Variants in WDHD1 observed in about 807,000 individuals in gnomAD.
WDHD1 encodes the protein WD repeat and HMG-box DNA binding protein 1, also known as WD repeat and HMG-box DNA-binding protein 1.
Under a neutral mutation model 135.4 loss-of-function variants are expected in WDHD1, and 111 were observed. That is an observed-to-expected ratio of 0.82 (90% CI 0.70 to 0.96). WDHD1 has a LOEUF of 0.96. WDHD1 is among the 40% of genes least tolerant of loss of function. The pLI is 0.00. For missense variants in WDHD1, 1,351 were observed against 1,336.3 expected, an observed-to-expected ratio of 1.01 and a Z score of -0.17; for synonymous variants, 434 against 439.0, an observed-to-expected ratio of 0.99 and a Z score of 0.14.
chr14:54,999,329 T>G (rs1399686551), intron 10 of WDHD1, among the ~76,000 whole-genome samples: 1 of 152,230 alleles, frequency 6.6e-6, no homozygotes, highest in African/African-American at 2.4e-5. Flanking sequence ...TCCAACATTC[T>G]GCCAGAATGC....
chr14:54,957,357 C>T (rs894244028), intron 22 of WDHD1, among the ~76,000 whole-genome samples, 153 bp from the exon 23 acceptor site: 4 of 152,114 alleles, frequency 2.6e-5, no homozygotes, highest in African/African-American at 7.2e-5. Flanking sequence ...AAGAATGATA[C>T]GTATATTCCC....
intron 7 of WDHD1, chr14:55,005,136 A>G: frequency 7.5e-6 from 4 of 535,410 alleles, no homozygotes; most frequent in Non-Finnish European, 1.5e-5. Context: ...ATGGTGCCAC[A>G]CATGCGAACT....
chr14:54,991,166 A>C, intron 12 of WDHD1, 47 bp downstream of exon 12: 2 of 1,057,314 alleles, frequency 1.9e-6, no homozygotes, highest in South Asian at 3.2e-5. Flanking sequence ...AGTAAGAAAA[A>C]AGTGCTGAAA....
chr14:55,002,121 A>G lies in WDHD1; in HGVS notation c.665T>C (p.Phe222Ser). ...LYRRESWSHQ[F>S]DLSDNFISQT... ...AGAGATGAAATTATCTGAAAGATCA[A>G]ATTGATGACTCCAAGATTCTCTTCT... The change falls in exon 8 of 26, where the codon TTT becomes TCT. Residue 222 changes from phenylalanine (F) to serine (S), a missense_variant. Around this residue, in one of 2 missense-constraint regions of WDHD1, gnomAD observed 1,330 missense variants for 1,296.1 expected, o/e 1.03. Coordinates refer to ENST00000360586, the MANE Select transcript of WDHD1 (RefSeq NM_007086.4). 3 of 1,607,702 alleles carry G rather than the reference A, an allele frequency of 1.9e-6. No homozygotes were observed. The Admixed American group carries it at 5.2e-5, about 28-fold the overall frequency.
chr14:55,021,017 A>C (rs2042337452), intron 2 of WDHD1, among the ~76,000 whole-genome samples: 1 of 152,196 alleles, frequency 6.6e-6, no homozygotes, highest in Non-Finnish European at 1.5e-5. Context: ...AGTTGGTCTT[A>C]CTGTCTCAGA....
At position 54,995,820 on chromosome 14, in the gene WDHD1, C is replaced by A. The variant is rs749093915; in HGVS notation, c.943-7G>T. On this transcript the variant is annotated splice_polypyrimidine_tract_variant and splice_region_variant and intron_variant, in intron 10 of 25. Coordinates refer to ENST00000360586, the MANE Select transcript of WDHD1 (RefSeq NM_007086.4). ...TTTCCACTCTGCTAGATACCTTGAACAAATTAATACAAATTATAAAGTAAA... is the reference window on the plus strand; with the variant it reads ...TTTCCACTCTGCTAGATACCTTGAAAAAATTAATACAAATTATAAAGTAAA... 7 of 1,502,790 alleles carry A rather than the reference C, an allele frequency of 4.7e-6. No individual in the cohort carries two copies. Among genetic ancestry groups the A allele is most frequent in the Non-Finnish European group, 6.2e-6 (7 of 1,121,890 alleles). The allele number at this position is 1,502,790 out of a possible 1,614,324, so 93.1% of individuals were successfully genotyped here. A position where few individuals can be genotyped will look rare whatever the true frequency, so the allele number is the denominator to read the frequency against.
chr14:54,981,597 T>C lies in WDHD1; in HGVS notation c.2006A>G (p.Lys669Arg), dbSNP rs759747928. Residue 669 changes from lysine (K) to arginine (R), a missense_variant, in exon 16 of 26, where the codon AAA becomes AGA. Coordinates refer to ENST00000360586, the MANE Select transcript of WDHD1 (RefSeq NM_007086.4). ...TPICNTREHCKGKSDHYWVVG... is the reference protein window; with the variant it reads ...TPICNTREHCRGKSDHYWVVG... ...CACCCAGTAGTGATCAGATTTTCCT[T>C]TGCAGTGCTCTCTTGTATTACATAT... 40 of 1,613,622 alleles carry C rather than the reference T, an allele frequency of 2.5e-5. No homozygotes were observed. The highest frequency in any genetic ancestry group is 3.3e-5 in the Non-Finnish European group (39 of 1,179,890).
At chr14:54,990,067 T>A (rs923314898) in intron 12 of WDHD1, among the ~76,000 whole-genome samples, 1 of 151,898 alleles carries the variant, frequency 6.6e-6, no homozygotes, top group African/African-American at 2.4e-5. Context: ...GTGCCAATAT[T>A]TTATTTAACA....
chr14:55,009,729 C>T (rs1024818926), intron 4 of WDHD1, among the ~76,000 whole-genome samples: 2 of 150,602 alleles, frequency 1.3e-5, no homozygotes, highest in Non-Finnish European at 3.0e-5. Context: ...ACGACGCCAG[C>T]CCTAAAATAA....
intron 16 of WDHD1, among the ~76,000 whole-genome samples, chr14:54,980,194 T>C (rs992778739): frequency 1.3e-5 from 2 of 151,836 alleles, no homozygotes; most frequent in African/African-American, 4.8e-5. Flanking sequence ...TGCGTGCCTG[T>C]AGTCCCAGCT....
chr14:55,014,707 T>G (rs963841936), intron 2 of WDHD1, among the ~76,000 whole-genome samples: 21 of 151,920 alleles, frequency 1.4e-4, no homozygotes, highest in Non-Finnish European at 2.6e-4. Flanking sequence ...ATAATGTACA[T>G]AATAAAATAC....
chr14:55,015,578 GACA>G lies in WDHD1; in HGVS notation c.78-1985_78-1983del, dbSNP rs546166872. On this transcript the variant is annotated intron_variant, in intron 2 of 25. Coordinates refer to ENST00000360586, the MANE Select transcript of WDHD1 (RefSeq NM_007086.4). ...AATGTGACTAACAAATCCTTTCGGG[GACA>G]ACATGTGAGGCATTCAATAAAAAAC... Among the ~76,000 whole-genome samples, 28 of 152,148 alleles carry G rather than the reference GACA, an allele frequency of 1.8e-4. No homozygotes were observed. The South Asian group carries it at 2.5e-3, about 14-fold the overall frequency.
At chr14:54,944,613 TTAC>T (rs569284976) in intron 24 of WDHD1, 143 bp from the exon 25 acceptor site, 1 of 698,136 alleles carries the variant, frequency 1.4e-6, no homozygotes. Context: ...TTAATTCATG[TTAC>T]TTTTTTTTTT....
In WDHD1 at chr14:54,966,475, C is replaced by T. The variant is rs760006892; in HGVS notation, c.2310G>A (p.Ala770=). The stretch of plus-strand genomic sequence containing the variant: ...TTTTCAGTATATTTATTTTACTCAC[C>T]GCAAGCATTTTCATTAAAAGTTCCT... ...EQQELLMKML[A]LSCKLEREFR... is the part of the protein sequence containing the mutation. The change falls in exon 18 of 26, where the codon GCG becomes GCA. Residue 770 remains alanine (A), a splice_region_variant and synonymous_variant. Coordinates refer to ENST00000360586, the MANE Select transcript of WDHD1 (RefSeq NM_007086.4). 6.3e-5 allele frequency: 101 copies of T among 1,596,208 alleles called. 2 individuals are homozygous for T. Among genetic ancestry groups the T allele is most frequent in the South Asian group, 5.4e-4 (47 of 87,826 alleles).
At chr14:55,017,795 A>G (rs1201651753) in intron 2 of WDHD1, among the ~76,000 whole-genome samples, 1 of 152,108 alleles carries the variant, frequency 6.6e-6, no homozygotes, top group Non-Finnish European at 1.5e-5. Flanking sequence ...GATTTTATTT[A>G]TATCTAGAAT....
At chr14:54,960,105 T>A (rs2041226980) in intron 21 of WDHD1, among the ~76,000 whole-genome samples, 1 of 152,222 alleles carries the variant, frequency 6.6e-6, no homozygotes, top group Admixed American at 6.5e-5. Context: ...CTTTCTAACA[T>A]CACCATCACC....
intron 11 of WDHD1, 52 bp from the exon 12 acceptor site, chr14:54,991,452 A>G (rs1391284439): frequency 1.9e-6 from 3 of 1,541,846 alleles, no homozygotes; most frequent in Admixed American, 1.8e-5. Flanking sequence ...AATGATTTGG[A>G]AAAAGGAAAG....
chr14:55,023,143 T>C (rs1217839556), intron 2 of WDHD1, among the ~76,000 whole-genome samples: 1 of 152,174 alleles, frequency 6.6e-6, no homozygotes, highest in Non-Finnish European at 1.5e-5. Flanking sequence ...CAAATCTCTT[T>C]CTGATATTAT....
intron 11 of WDHD1, among the ~76,000 whole-genome samples, chr14:54,993,521 G>C (rs1027009783): frequency 1.3e-5 from 2 of 151,994 alleles, no homozygotes. Context: ...TCTGAGTCTT[G>C]GTGCAACATC....
Sources: gnomAD v4.1 joint callset for allele counts (sites outside exome capture counted in the v4.1 genomes callset) on GRCh38, gnomAD v4.1.1 for gene constraint, gnomAD v4.1.1 regional missense constraint, MANE v1.5 for transcripts, NCBI Gene and HGNC (gene_info 2026-07-23, HGNC 2026-07-21) for gene names.